The following TASP1 variants were observed in gnomAD, a reference collection of about 807,000 sequenced individuals.
TASP1 encodes threonine aspartase 1.
TASP1 carries 16 observed loss-of-function variants against 56.6 expected under a neutral mutation model. That is an observed-to-expected ratio of 0.28 (90% CI 0.19 to 0.43). The LOEUF is 0.43. Ranked by LOEUF, TASP1 falls within the 20% of genes least tolerant of loss-of-function variation. TASP1 has a pLI of 1.00. For missense variants in TASP1, 393 were observed against 511.6 expected (o/e 0.77, Z 2.24); for synonymous variants, 179 against 184.2 (o/e 0.97, Z 0.23).
intron 12 of TASP1, among the ~76,000 whole-genome samples, chr20:13,419,739 G>A (rs1437953672): frequency 6.6e-6 from 1 of 152,182 alleles, no homozygotes; most frequent in Admixed American, 6.5e-5. Flanking sequence ...ATGTGGGGAA[G>A]AAAGAGGCAG....
the TASP1 span, among the ~76,000 whole-genome samples, chr20:13,304,560 CAT>C: frequency 6.6e-6 from 1 of 152,228 alleles, no homozygotes; most frequent in East Asian, 1.9e-4. Context: ...GCAGCTCCCA[CAT>C]GTCTTTGCCT....
chr20:13,636,032 T>C (rs1043268659), intron 1 of TASP1, among the ~76,000 whole-genome samples: 1 of 152,132 alleles, frequency 6.6e-6, no homozygotes, highest in Non-Finnish European at 1.5e-5. Flanking sequence ...TAAGAAGCAG[T>C]TGAAAAAGGA....
intron 10 of TASP1, among the ~76,000 whole-genome samples, chr20:13,509,928 GT>G (rs2044265789): frequency 6.6e-6 from 1 of 152,014 alleles, no homozygotes; most frequent in Non-Finnish European, 1.5e-5. Context: ...GTCTGGCCTT[GT>G]AATTCTTGTT....
chr20:13,303,534 G>T, the TASP1 span, among the ~76,000 whole-genome samples: 12 of 152,266 alleles, frequency 7.9e-5, no homozygotes, highest in Non-Finnish European at 1.8e-4. Flanking sequence ...AACATAACAG[G>T]CACCTAACCT....
the TASP1 span, among the ~76,000 whole-genome samples, chr20:13,302,778 CA>C: frequency 6.6e-6 from 1 of 152,158 alleles, no homozygotes; most frequent in African/African-American, 2.4e-5. Context: ...TCCTGGGTGC[CA>C]CATCTGAACA....
chr20:13,421,108 CTTTTTTTTT>C (rs34805037), intron 12 of TASP1, among the ~76,000 whole-genome samples: 1 of 123,442 alleles, frequency 8.1e-6, no homozygotes, highest in East Asian at 2.4e-4. Flanking sequence ...CGTTTTCCTT[CTTTTTTTTT>C]TTTTTTTTTT....
the TASP1 span, chr20:13,154,102 T>G: frequency 6.2e-7 from 1 of 1,614,190 alleles, no homozygotes; most frequent in Admixed American, 1.7e-5. Flanking sequence ...AATGCTTCTG[T>G]TGTTCCTCTG....
intron 10 of TASP1, among the ~76,000 whole-genome samples, chr20:13,527,700 T>A (rs2045037672): frequency 6.6e-6 from 1 of 152,148 alleles, no homozygotes; most frequent in African/African-American, 2.4e-5. Context: ...AGACCTGTAT[T>A]ACATTAAAAG....
chr20:13,623,327 T>C (rs2048782330), intron 4 of TASP1, 119 bp downstream of exon 4: 1 of 705,444 alleles, frequency 1.4e-6, no homozygotes, highest in African/African-American at 1.8e-5. Flanking sequence ...ACTTTGCTAA[T>C]ATTGGTGGGA....
the TASP1 span, among the ~76,000 whole-genome samples, chr20:13,141,242 G>C: frequency 6.6e-6 from 1 of 152,216 alleles, no homozygotes; most frequent in African/African-American, 2.4e-5. Context: ...ACTGTTGGGA[G>C]CTGCAAGCTA....
At chr20:13,621,916 T>G (rs1462448597) in intron 4 of TASP1, among the ~76,000 whole-genome samples, 1 of 152,214 alleles carries the variant, frequency 6.6e-6, no homozygotes, top group Non-Finnish European at 1.5e-5. Context: ...CAACTAACAA[T>G]TGAACTAGTT....
At chr20:13,172,682 T>C in the TASP1 span, among the ~76,000 whole-genome samples, 3 of 152,166 alleles carry the variant, frequency 2.0e-5, no homozygotes, top group African/African-American at 7.2e-5. Context: ...TAAAATCCTA[T>C]GTCCAGAAAA....
chr20:13,130,104 T>C, the TASP1 span, among the ~76,000 whole-genome samples: 1 of 152,242 alleles, frequency 6.6e-6, no homozygotes, highest in Admixed American at 6.5e-5. Context: ...TAGTTCTGCC[T>C]GACACATCTT....
chr20:13,409,571 CTCATT>C (rs1252895511), intron 13 of TASP1, among the ~76,000 whole-genome samples: 1 of 151,964 alleles, frequency 6.6e-6, no homozygotes, highest in Non-Finnish European at 1.5e-5. Flanking sequence ...TAATTTTTAT[CTCATT>C]TAACTTTTTC....
At chr20:13,593,879 G>A (rs1178910566) in intron 4 of TASP1, among the ~76,000 whole-genome samples, 1 of 152,218 alleles carries the variant, frequency 6.6e-6, no homozygotes, top group African/African-American at 2.4e-5. Flanking sequence ...TCAGCTCTGA[G>A]AACGAACAGA....
chr20:13,438,809 G>GA (rs1301475815), intron 11 of TASP1, among the ~76,000 whole-genome samples: 2 of 151,844 alleles, frequency 1.3e-5, no homozygotes, highest in Non-Finnish European at 2.9e-5. Flanking sequence ...AAATTTACAA[G>GA]AAAAAAACAA....
At chr20:13,579,892 ATTAAT>A (rs769626868) in intron 6 of TASP1, among the ~76,000 whole-genome samples, 2 of 152,210 alleles carry the variant, frequency 1.3e-5, no homozygotes, top group Non-Finnish European at 2.9e-5. Context: ...TCTAAACTAT[ATTAAT>A]TTATTTTCTG....
At chr20:13,269,658 A>G in the TASP1 span, among the ~76,000 whole-genome samples, 2 of 152,110 alleles carry the variant, frequency 1.3e-5, no homozygotes, top group African/African-American at 4.8e-5. Context: ...TCTTGTTAAG[A>G]TCTTGCCTCA....
chr20:13,482,924 A>G (rs1185206378), intron 11 of TASP1, among the ~76,000 whole-genome samples: 1 of 152,198 alleles, frequency 6.6e-6, no homozygotes, highest in Non-Finnish European at 1.5e-5. Flanking sequence ...TTCTCAGCAC[A>G]CATTTTGCCA....
Sources: allele counts gnomAD v4.1 joint callset (sites outside exome capture counted in the v4.1 genomes callset), GRCh38; gene constraint gnomAD v4.1.1; transcripts MANE v1.5; gene names NCBI Gene and HGNC (gene_info 2026-07-23, HGNC 2026-07-21).